Variants in TLL1 observed in about 807,000 individuals in gnomAD.
TLL1 encodes tolloid like 1.
In TLL1, 49 loss-of-function variants were observed where a neutral mutation model predicts 128.2. The observed-to-expected ratio is 0.38, with a 90% CI of 0.30 to 0.48. The LOEUF (loss-of-function observed/expected upper bound fraction) is 0.48, where lower values mean the gene tolerates loss of function less well. TLL1 is among the 20% of genes least tolerant of loss of function. The probability of loss-of-function intolerance (pLI) is 0.96; values close to 1 mark genes in which losing one functional copy is unlikely to be tolerated. For synonymous variants in TLL1, 454 were observed against 418.8 expected, an observed-to-expected ratio of 1.08 and a Z score of -1.03; for missense variants, 1,123 against 1,242.0, an observed-to-expected ratio of 0.90 and a Z score of 1.44.
intron 1 of TLL1, among the ~76,000 whole-genome samples, chr4:165,897,525 C>T (rs1731735602): frequency 6.6e-6 from 1 of 152,078 alleles, no homozygotes; most frequent in Non-Finnish European, 1.5e-5. Context: ...TGTCAGAGAT[C>T]AGATGGTTGT....
chr4:166,088,251 G>A (rs994523138), intron 18 of TLL1, among the ~76,000 whole-genome samples: 3 of 152,064 alleles, frequency 2.0e-5, no homozygotes, highest in Admixed American at 2.0e-4. Context: ...GGTTGGAAAT[G>A]TGCACATTCT....
intron 1 of TLL1, among the ~76,000 whole-genome samples, chr4:165,941,833 A>T (rs537498841): frequency 6.6e-6 from 1 of 152,232 alleles, no homozygotes; most frequent in East Asian, 1.9e-4. Flanking sequence ...GTAGTGTGAT[A>T]ATCAATGACT....
chr4:165,878,578 T>A (rs1044560510), intron 1 of TLL1, among the ~76,000 whole-genome samples: 1 of 152,160 alleles, frequency 6.6e-6, no homozygotes, highest in Non-Finnish European at 1.5e-5. Context: ...AGATAGATTT[T>A]TTTTTTCCTA....
intron 1 of TLL1, among the ~76,000 whole-genome samples, chr4:165,940,190 A>G (rs755963121): frequency 2.0e-5 from 3 of 151,974 alleles, no homozygotes; most frequent in Middle Eastern, 3.4e-3. Context: ...TCATGACAGC[A>G]CAATTTTTCT....
rs117109433 is a variant in TLL1 at position 165,950,772 on chromosome 4, T to C, written c.170-38609T>C. Among the ~76,000 whole-genome samples, 162 of 152,186 alleles carry C rather than the reference T, an allele frequency of 1.1e-3. 2 individuals carry two copies. In the East Asian group the frequency reaches 0.03, roughly 28 times the overall value. ...TTTGTGATGTTGCTAAAACAGTTCTTAGGGGAGAATTTATAGCATTAAATG... is the reference window on the plus strand; with the variant it reads ...TTTGTGATGTTGCTAAAACAGTTCTCAGGGGAGAATTTATAGCATTAAATG... On this transcript the variant is annotated intron_variant, in intron 1 of 20. Coordinates refer to ENST00000061240, the MANE Select transcript of TLL1 (RefSeq NM_012464.5).
At position 166,091,153 on chromosome 4, in the gene TLL1, A is replaced by G; in HGVS notation, c.2468A>G (p.Gln823Arg). The part of the protein sequence containing the change: ...KLAFSEFEIE[Q>R]HQECAYDHLE... ...GCCTTTAGTGAATTTGAGATTGAGC[A>G]GCATCAAGAATGTGCTTATGACCAC... is the stretch of plus-strand genomic sequence containing the variant. The change falls in exon 19 of 21, where the codon CAG becomes CGG. Residue 823 changes from glutamine to arginine, a missense_variant. Coordinates refer to ENST00000061240, the MANE Select transcript of TLL1 (RefSeq NM_012464.5). 2 of 1,612,810 alleles carry G rather than the reference A, an allele frequency of 1.2e-6. No homozygotes were observed. The highest frequency in any genetic ancestry group is 8.5e-7 in the Non-Finnish European group (1 of 1,179,350).
intron 1 of TLL1, among the ~76,000 whole-genome samples, chr4:165,929,966 C>G (rs1341202271): frequency 6.6e-6 from 1 of 151,352 alleles, no homozygotes; most frequent in African/African-American, 2.4e-5. Context: ...CTTTTTTTTT[C>G]CCACCAGAAA....
In TLL1 at chr4:165,976,139, A is replaced by C. The variant is rs563144669; in HGVS notation, c.170-13242A>C. ...ATTCTAGCATTTAGCTAAAACACAC[A>C]TACACACACAGAGCAACTGAAAAGA... On this transcript the variant is annotated intron_variant, in intron 1 of 20. Transcript: ENST00000061240. Among the ~76,000 whole-genome samples, 3 of 152,100 alleles carry C rather than the reference A, an allele frequency of 2.0e-5. No homozygotes were observed. The East Asian group carries it at 5.8e-4, about 29-fold the overall frequency.
chr4:165,898,641 A>G (rs1440649223), intron 1 of TLL1, among the ~76,000 whole-genome samples: 1 of 152,172 alleles, frequency 6.6e-6, no homozygotes, highest in African/African-American at 2.4e-5. Context: ...CCAGTATTTT[A>G]TTAAGGATTT....
At chr4:166,032,451 G>T (rs1175423884) in intron 9 of TLL1, among the ~76,000 whole-genome samples, 3 of 152,078 alleles carry the variant, frequency 2.0e-5, no homozygotes, top group African/African-American at 7.2e-5. Context: ...TGAAGCCTCA[G>T]TAATTCAAAT....
At chr4:165,973,328 T>C (rs956165163) in intron 1 of TLL1, among the ~76,000 whole-genome samples, 1 of 151,870 alleles carries the variant, frequency 6.6e-6, no homozygotes, top group Non-Finnish European at 1.5e-5. Context: ...AAATCCTGTA[T>C]CCCAGGATTT....
chr4:166,004,803 T>C (rs1737336618), intron 6 of TLL1, among the ~76,000 whole-genome samples: 2 of 152,222 alleles, frequency 1.3e-5, no homozygotes, highest in South Asian at 4.1e-4. Flanking sequence ...AGATTCTCTA[T>C]GATGTAAACC....
chr4:166,072,194 G>A (rs114773033), intron 16 of TLL1, among the ~76,000 whole-genome samples: 3,156 of 151,908 alleles, frequency 0.021, 106 homozygotes, highest in African/African-American at 0.07. Flanking sequence ...TATTCTAGCC[G>A]CCTAACAGAT....
intron 1 of TLL1, among the ~76,000 whole-genome samples, chr4:165,888,944 T>C (rs1731276238): frequency 1.3e-5 from 2 of 152,234 alleles, no homozygotes; most frequent in Admixed American, 6.5e-5. Context: ...CAACAAATTT[T>C]GGCAAATGCC....
At chr4:165,954,764 A>G (rs1230961075) in intron 1 of TLL1, among the ~76,000 whole-genome samples, 2 of 152,088 alleles carry the variant, frequency 1.3e-5, no homozygotes, top group Non-Finnish European at 2.9e-5. Context: ...CTATGGTCAA[A>G]CCCCAAGAGA....
In TLL1 at chr4:166,057,271, C is replaced by T; in HGVS notation, c.1808C>T (p.Pro603Leu). 6.2e-7 allele frequency: 1 copy of T among 1,613,932 alleles called. No individual in the cohort carries two copies. Among genetic ancestry groups the T allele is most frequent in the Non-Finnish European group, 8.5e-7 (1 of 1,179,944 alleles). ...GGCAGTTACCAGTGTGCCTGTGAGC[C>T]TGGCTATGAGCTGGGCCCAGACAGA... ...TLGSYQCACEPGYELGPDRRS... is the reference protein window; with the variant it reads ...TLGSYQCACELGYELGPDRRS... Residue 603 changes from proline to leucine, a missense_variant, in exon 14 of 21, where the codon CCT becomes CTT. By Grantham distance (98) the Pro-to-Leu change is moderately conservative (BLOSUM62 -3). This residue lies in a region of TLL1 where 634 missense variants were observed against 672.4 expected (regional missense o/e 0.94). Coordinates refer to ENST00000061240, the MANE Select transcript of TLL1 (RefSeq NM_012464.5).
chr4:165,947,725 G>A (rs544847570), intron 1 of TLL1, among the ~76,000 whole-genome samples: 1 of 152,088 alleles, frequency 6.6e-6, no homozygotes, highest in African/African-American at 2.4e-5. Flanking sequence ...GGTGCTTCTA[G>A]AAATCTGAAG....
intron 2 of TLL1, 115 bp downstream of exon 2, chr4:165,989,606 A>C: frequency 2.9e-6 from 2 of 698,110 alleles, no homozygotes; most frequent in Admixed American, 2.4e-5. Context: ...CTGACTTCCT[A>C]TACACAAATA....
Position 165,890,034 on chromosome 4 carries a change from G to A in TLL1, c.169+15961G>A, listed in dbSNP as rs143682365. Among the ~76,000 whole-genome samples, 1,498 of 152,152 alleles carry A rather than the reference G, an allele frequency of 9.8e-3. 23 individuals carry two copies. The highest frequency in any genetic ancestry group is 0.034 in the African/African-American group (1,390 of 41,490). ...GCCTCAGGACACTAACAGTCATGGC[G>A]GAAGGGGAAGCAAACACATCCTTCT... is the stretch of plus-strand genomic sequence containing the variant. On this transcript the variant is annotated intron_variant, in intron 1 of 20. Transcript: ENST00000061240.
Sources: gnomAD v4.1 joint callset for allele counts (sites outside exome capture counted in the v4.1 genomes callset) on GRCh38, gnomAD v4.1.1 for gene constraint, gnomAD v4.1.1 regional missense constraint, MANE v1.5 for transcripts, NCBI Gene and HGNC (gene_info 2026-07-23, HGNC 2026-07-21) for gene names.